The following MAD1L1 variants were observed in gnomAD, a reference collection of about 807,000 sequenced individuals.
MAD1L1 encodes the protein mitotic arrest deficient 1 like 1, also known as mitotic spindle assembly checkpoint protein MAD1.
Under a neutral mutation model 96.9 loss-of-function variants are expected in MAD1L1, and 95 were observed. That is an observed-to-expected ratio of 0.98 (90% CI 0.83 to 1.16). The LOEUF is 1.16. Among genes scored for constraint, MAD1L1 ranks in the 50% most tolerant of loss-of-function variants. The pLI, the probability that MAD1L1 is intolerant of heterozygous loss-of-function variation, is 0.00. For synonymous variants in MAD1L1, 473 were observed against 396.6 expected (o/e 1.19, Z -2.29); for missense variants, 1,007 against 954.4 (o/e 1.06, Z -0.73).
chr7:1,897,428 G>A (rs1424877246), intron 18 of MAD1L1, among the ~76,000 whole-genome samples: 1 of 152,094 alleles, frequency 6.6e-6, no homozygotes, highest in African/African-American at 2.4e-5. Context: ...ACGGGGCCAC[G>A]AGGTCATGCC....
chr7:1,929,656 G>C (rs1215568024), intron 17 of MAD1L1, among the ~76,000 whole-genome samples: 2 of 151,968 alleles, frequency 1.3e-5, no homozygotes, highest in East Asian at 3.9e-4. Flanking sequence ...CAGCCCTTGG[G>C]GAAGCCGTGG....
chr7:1,849,047 TACAC>T lies in MAD1L1; in HGVS notation c.1999-32823_1999-32820del, dbSNP rs57306853. On this transcript the variant is annotated intron_variant, in intron 18 of 18. Coordinates refer to ENST00000265854, the MANE Select transcript of MAD1L1 (RefSeq NM_001013836.2). ...CTGTTTGTGAGCACGGGTGTACATG[TACAC>T]ACACACACACACACACACACACAAA... is the stretch of plus-strand genomic sequence containing the variant. 935 of 148,478 alleles carry T rather than the reference TACAC, an allele frequency of 6.3e-3. 8 individuals are homozygous for T. The highest frequency in any genetic ancestry group is 0.02 in the African/African-American group (812 of 39,892). The allele number at this position is 148,478 out of a possible 1,614,324, so 9.2% of individuals were successfully genotyped here.
intron 12 of MAD1L1, among the ~76,000 whole-genome samples, chr7:2,068,900 G>A (rs952507415): frequency 2.0e-5 from 3 of 152,190 alleles, no homozygotes; most frequent in Non-Finnish European, 2.9e-5. Flanking sequence ...CCTGCAGGGG[G>A]TCCGCAGTGA....
chr7:1,846,784 G>A (rs1451234150), intron 18 of MAD1L1: 1 of 178,822 alleles, frequency 5.6e-6, no homozygotes, highest in Non-Finnish European at 1.2e-5. Context: ...CAAGGAGGAG[G>A]AAGTGCTTCA....
chr7:1,894,083 G>A (rs1471327338), intron 18 of MAD1L1, among the ~76,000 whole-genome samples: 1 of 152,222 alleles, frequency 6.6e-6, no homozygotes, highest in African/African-American at 2.4e-5. Flanking sequence ...GCTGCGAACA[G>A]TACAAGTGCC....
At chr7:2,218,159 G>GTTCAGGA in intron 6 of MAD1L1, 116 bp from the exon 7 acceptor site, 1 of 757,240 alleles carries the variant, frequency 1.3e-6, no homozygotes, top group Non-Finnish European at 2.3e-6. Context: ...CCACCCCAAG[G>GTTCAGGA]TTCAGGACCT....
chr7:1,894,371 C>T (rs1786734771), intron 18 of MAD1L1, among the ~76,000 whole-genome samples: 1 of 152,168 alleles, frequency 6.6e-6, no homozygotes, highest in Admixed American at 6.5e-5. Flanking sequence ...CTGCAGGGAC[C>T]AGGACACACA....
chr7:1,842,536 C>G (rs1005652606), intron 18 of MAD1L1, among the ~76,000 whole-genome samples: 3 of 152,278 alleles, frequency 2.0e-5, no homozygotes, highest in African/African-American at 7.2e-5. Flanking sequence ...ATGCCGCGTG[C>G]TCACTGGCCC....
At chr7:2,116,339 A>C (rs1266474001) in intron 11 of MAD1L1, among the ~76,000 whole-genome samples, 2 of 152,202 alleles carry the variant, frequency 1.3e-5, no homozygotes, top group African/African-American at 2.4e-5. Flanking sequence ...TGAAGCACCT[A>C]AAGTGGGCTG....
chr7:2,202,813 C>T (rs1562367398), intron 10 of MAD1L1, among the ~76,000 whole-genome samples: 2 of 152,216 alleles, frequency 1.3e-5, no homozygotes, highest in Admixed American at 6.5e-5. Context: ...TTAGACCCTT[C>T]CTTAGAGGAA....
chr7:2,224,495 C>T (rs1380202358), intron 4 of MAD1L1, among the ~76,000 whole-genome samples: 2 of 152,182 alleles, frequency 1.3e-5, no homozygotes, highest in East Asian at 1.9e-4. Flanking sequence ...CAACGCACAC[C>T]GCAGTCAGGA....
At chr7:2,208,993 C>G (rs1271942803) in intron 10 of MAD1L1, among the ~76,000 whole-genome samples, 4 of 152,222 alleles carry the variant, frequency 2.6e-5, no homozygotes, top group Non-Finnish European at 5.9e-5. Context: ...CACCACACTC[C>G]CGGCACTGGC....
rs539681052 is a variant in MAD1L1 at position 2,211,536 on chromosome 7, A to G, written c.986+1676T>C. On this transcript the variant is annotated intron_variant, in intron 10 of 18. Coordinates refer to ENST00000265854, the MANE Select transcript of MAD1L1 (RefSeq NM_001013836.2). ...GGGGCCTCTGATGTCCCTTCACAGG[A>G]AAGAAGTCACAGAGGTTTCTCATCT... is the stretch of plus-strand genomic sequence containing the variant. 3.3e-5 allele frequency among the ~76,000 whole-genome samples: 5 copies of G among 152,346 alleles called. No homozygotes were observed. The East Asian group carries it at 7.7e-4, about 24-fold the overall frequency.
chr7:1,949,940 G>C (rs1779411105), intron 16 of MAD1L1, among the ~76,000 whole-genome samples: 1 of 152,212 alleles, frequency 6.6e-6, no homozygotes, highest in Non-Finnish European at 1.5e-5. Context: ...TCCCGCCTTT[G>C]AGTTTGGTTT....
intron 11 of MAD1L1, among the ~76,000 whole-genome samples, chr7:2,130,991 G>A (rs1342402193): frequency 6.6e-6 from 1 of 152,214 alleles, no homozygotes; most frequent in Admixed American, 6.5e-5. Flanking sequence ...GAACTTCCAC[G>A]CTTCGGAACA....
At chr7:2,037,720 T>C (rs1300920346) in intron 12 of MAD1L1, among the ~76,000 whole-genome samples, 2 of 152,134 alleles carry the variant, frequency 1.3e-5, no homozygotes, top group African/African-American at 2.4e-5. Flanking sequence ...CGGCAAAAGC[T>C]TCACCGACCA....
At chr7:2,130,720 G>C (rs933100051) in intron 11 of MAD1L1, among the ~76,000 whole-genome samples, 1 of 152,154 alleles carries the variant, frequency 6.6e-6, no homozygotes, top group African/African-American at 2.4e-5. Flanking sequence ...TAAATAACTA[G>C]GAGAGACCAA....
At chr7:1,887,061 T>C (rs924522996) in intron 18 of MAD1L1, among the ~76,000 whole-genome samples, 1 of 152,270 alleles carries the variant, frequency 6.6e-6, no homozygotes, top group African/African-American at 2.4e-5. Flanking sequence ...TTGCATACCA[T>C]GGGCCTTCAC....
chr7:1,862,613 G>A (rs927477201), intron 18 of MAD1L1, among the ~76,000 whole-genome samples: 1 of 152,260 alleles, frequency 6.6e-6, no homozygotes, highest in African/African-American at 2.4e-5. Context: ...TGGAGGCTGA[G>A]GGCATCGGCC....
Sources: allele counts gnomAD v4.1 joint callset (sites outside exome capture counted in the v4.1 genomes callset), GRCh38; gene constraint gnomAD v4.1.1; transcripts MANE v1.5; gene names NCBI Gene and HGNC (gene_info 2026-07-23, HGNC 2026-07-21).